Variants in PSD2 observed in about 807,000 individuals in gnomAD.
The protein encoded by PSD2 is pleckstrin and Sec7 domain containing 2, also known as PH and SEC7 domain-containing protein 2.
Under a neutral mutation model 69.8 loss-of-function variants are expected in PSD2, and 38 were observed. The observed-to-expected ratio is 0.54, with a 90% confidence interval of 0.42 to 0.71. The LOEUF is 0.71. Among genes scored for constraint, PSD2 ranks in the 30% least tolerant of loss-of-function variants. The probability of loss-of-function intolerance (pLI) is 0.00; values close to 1 mark genes in which losing one functional copy is unlikely to be tolerated. For missense variants in PSD2, 943 were observed against 1,014.5 expected, an observed-to-expected ratio of 0.93 and a Z score of 0.96; for synonymous variants, 412 against 423.0, an observed-to-expected ratio of 0.97 and a Z score of 0.32.
At chr5:139,821,214 TGA>T (rs1426194640) in intron 5 of PSD2, among the ~76,000 whole-genome samples, 1 of 152,190 alleles carries the variant, frequency 6.6e-6, no homozygotes, top group African/African-American at 2.4e-5. Flanking sequence ...ATTATAGGCG[TGA>T]GCCACCGCGC....
the PSD2 span, among the ~76,000 whole-genome samples, chr5:139,784,598 C>A: frequency 7.3e-4 from 111 of 152,278 alleles, 4 homozygotes; most frequent in East Asian, 0.019. Context: ...ATCATCTGGC[C>A]CCTGCTGCCT....
chr5:139,790,585 C>G, the PSD2 span, among the ~76,000 whole-genome samples: 1 of 152,062 alleles, frequency 6.6e-6, no homozygotes, highest in Non-Finnish European at 1.5e-5. Flanking sequence ...GTGAGGAGTC[C>G]TGGAAGTCAA....
At chr5:139,813,010 C>T (rs942218098) in intron 2 of PSD2, among the ~76,000 whole-genome samples, 8 of 152,104 alleles carry the variant, frequency 5.3e-5, no homozygotes, top group Admixed American at 2.6e-4. Flanking sequence ...TAGCTGGCAG[C>T]GGGGCAGGGG....
chr5:139,838,412 C>A (rs1417601576), intron 12 of PSD2, among the ~76,000 whole-genome samples: 1 of 152,178 alleles, frequency 6.6e-6, no homozygotes, highest in African/African-American at 2.4e-5. Context: ...CATGAGAATT[C>A]GGGTGTGCCT....
chr5:139,813,200 G>A, intron 2 of PSD2, 109 bp from the exon 3 acceptor site: 1 of 814,332 alleles, frequency 1.2e-6, no homozygotes, highest in South Asian at 1.9e-5. Flanking sequence ...GAATAGGATG[G>A]GGGAGTGGTG....
the PSD2 span, among the ~76,000 whole-genome samples, chr5:139,770,858 G>A: frequency 1.3e-5 from 2 of 152,344 alleles, no homozygotes; most frequent in Non-Finnish European, 2.9e-5. Context: ...ATACACATGT[G>A]TGCACAAGGT....
intron 2 of PSD2, among the ~76,000 whole-genome samples, chr5:139,810,954 G>A (rs1195221290): frequency 2.0e-5 from 3 of 152,154 alleles, no homozygotes; most frequent in Non-Finnish European, 4.4e-5. Flanking sequence ...AGTTGCATGA[G>A]GGGGTGGGAG....
At chr5:139,771,679 C>A in the PSD2 span, among the ~76,000 whole-genome samples, 40 of 152,252 alleles carry the variant, frequency 2.6e-4, no homozygotes, top group South Asian at 8.3e-4. Context: ...CGCCCCGCAG[C>A]CTGCTTTCCT....
At chr5:139,759,441 T>C in the PSD2 span, among the ~76,000 whole-genome samples, 1 of 152,058 alleles carries the variant, frequency 6.6e-6, no homozygotes, top group African/African-American at 2.4e-5. Context: ...ACGCACCGTA[T>C]ATCATGTCTG....
the PSD2 span, among the ~76,000 whole-genome samples, chr5:139,774,347 A>C: frequency 6.6e-6 from 1 of 152,170 alleles, no homozygotes; most frequent in Non-Finnish European, 1.5e-5. Flanking sequence ...CAGTAAGTGC[A>C]CAGGACCTGA....
In PSD2 at chr5:139,809,719, A is replaced by G. The variant is rs754313228; in HGVS notation, c.279A>G (p.Ser93=). 4.4e-5 allele frequency: 71 copies of G among 1,614,230 alleles called. No homozygotes were observed. Among genetic ancestry groups the G allele is most frequent in the Non-Finnish European group, 5.8e-5 (68 of 1,180,042 alleles). Residue 93 remains serine (S), a synonymous_variant, in exon 2 of 15, where the codon TCA becomes TCG. Coordinates refer to ENST00000274710, the MANE Select transcript of PSD2 (RefSeq NM_032289.4). ...LGPDLNILED[S]AESRPWRAGV... ...CAGACTTGAACATTCTGGAAGATTC[A>G]GCGGAGTCCAGGCCCTGGAGGGCTG...
At chr5:139,823,571 C>T (rs966415805) in intron 7 of PSD2, among the ~76,000 whole-genome samples, 1 of 152,186 alleles carries the variant, frequency 6.6e-6, no homozygotes, top group Non-Finnish European at 1.5e-5. Flanking sequence ...TCAGATTCTA[C>T]TCTTGCCTCC....
chr5:139,800,234 A>G (rs573692695), intron 1 of PSD2, among the ~76,000 whole-genome samples: 2 of 152,330 alleles, frequency 1.3e-5, no homozygotes, highest in African/African-American at 4.8e-5. Flanking sequence ...GTTAAATCCA[A>G]TGCCTGGCCT....
At chr5:139,749,255 C>T in the PSD2 span, among the ~76,000 whole-genome samples, 1 of 152,226 alleles carries the variant, frequency 6.6e-6, no homozygotes, top group Non-Finnish European at 1.5e-5. Context: ...CCCCAGGTTA[C>T]TTCCTCTGAG....
intron 2 of PSD2, among the ~76,000 whole-genome samples, chr5:139,813,020 G>A (rs1356548898): frequency 6.6e-6 from 1 of 152,148 alleles, no homozygotes; most frequent in African/African-American, 2.4e-5. Context: ...CGGGGCAGGG[G>A]CAGGGGACTG....
Position 139,814,438 on chromosome 5 carries a change from A to T in PSD2, c.1016+74A>T. On this transcript the variant is annotated intron_variant, in intron 4 of 14. Coordinates refer to ENST00000274710, the MANE Select transcript of PSD2 (RefSeq NM_032289.4). This position sits in a 1 kb window ranked among gnomAD's most constrained non-coding sequence, Gnocchi z 4.4. ...CCTCAACCTGAAGAGGGTGTGGGTG[A>T]CCTTCTTCAGGGGTGCCAGGTGCTG... 1 of 1,407,090 alleles carries T rather than the reference A, an allele frequency of 7.1e-7. No individual in the cohort carries two copies. The highest frequency in any genetic ancestry group is 9.4e-7 in the Non-Finnish European group (1 of 1,060,944). The allele number at this position is 1,407,090 out of a possible 1,614,324, so 87.2% of individuals were successfully genotyped here.
chr5:139,833,764 C>T lies in PSD2; in HGVS notation c.1332C>T (p.Gly444=). 2 of 1,613,916 alleles carry T rather than the reference C, an allele frequency of 1.2e-6. No individual in the cohort carries two copies. Among genetic ancestry groups the T allele is most frequent in the Middle Eastern group, 1.6e-4 (1 of 6,062 alleles). The stretch of plus-strand genomic sequence containing the variant: ...CCAACTTGGACCAGCTGAATGATGG[C>T]CAAGACTTTGCCAAAGACCTGCTGA... ...FIANLDQLND[G]QDFAKDLLKT... is the part of the protein sequence containing the mutation. The change falls in exon 8 of 15, where the codon GGC becomes GGT. Residue 444 remains glycine (G), a synonymous_variant. Coordinates refer to ENST00000274710, the MANE Select transcript of PSD2 (RefSeq NM_032289.4).
chr5:139,829,805 A>G lies in PSD2; in HGVS notation c.1270-3897A>G, dbSNP rs115792755. On this transcript the variant is annotated intron_variant, in intron 7 of 14. Transcript: ENST00000274710. ...GCGCTGCTATGAGCATTCGTGTACAAGTTTTTGTCTGAATATCTGTTTTCA... is the reference window on the plus strand; with the variant it reads ...GCGCTGCTATGAGCATTCGTGTACAGGTTTTTGTCTGAATATCTGTTTTCA... Among the ~76,000 whole-genome samples, 506 of 152,178 alleles carry G rather than the reference A, an allele frequency of 3.3e-3. 2 individuals carry two copies. Among genetic ancestry groups the G allele is most frequent in the African/African-American group, 0.011 (476 of 41,516 alleles).
rs1268984091 is a variant in PSD2 at position 139,814,313 on chromosome 5, A to G, written c.965A>G (p.Tyr322Cys). ...GCTCATCGGCTGGCACGCCGTCTCTACCACCTCGAGGGCTTCCAGCGCTGT... is the reference window on the plus strand; with the variant it reads ...GCTCATCGGCTGGCACGCCGTCTCTGCCACCTCGAGGGCTTCCAGCGCTGT... Reference protein sequence around the residue: ...EAAHRLARRLYHLEGFQRCDV... With the variant: ...EAAHRLARRLCHLEGFQRCDV... The change falls in exon 4 of 15, where the codon TAC (tyrosine) becomes TGC (cysteine). Residue 322 changes from tyrosine (Y) to cysteine (C), a missense_variant. Tyr to Cys is a radical substitution (Grantham distance 194). Transcript: ENST00000274710. The surrounding 1 kb of genome is among the most constrained non-coding windows in gnomAD (Gnocchi z 4.4). 2.5e-6 allele frequency: 4 copies of G among 1,612,826 alleles called. No individual in the cohort carries two copies. The highest frequency in any genetic ancestry group is 2.5e-6 in the Non-Finnish European group (3 of 1,179,514).
Sources: gnomAD v4.1 joint callset for allele counts (sites outside exome capture counted in the v4.1 genomes callset) on GRCh38, gnomAD v4.1.1 for gene constraint, Gnocchi (gnomAD v3.1) non-coding constraint, MANE v1.5 for transcripts, NCBI Gene and HGNC (gene_info 2026-07-23, HGNC 2026-07-21) for gene names.